Variants in PCDHGB1 observed in about 807,000 individuals in gnomAD.
PCDHGB1 encodes the protein protocadherin gamma subfamily B, 1.
In PCDHGB1, 34 loss-of-function variants were observed where a neutral mutation model predicts 56.6. The observed-to-expected ratio is 0.60, with a 90% confidence interval of 0.46 to 0.80. PCDHGB1 has a LOEUF of 0.80. Ranked by LOEUF, PCDHGB1 falls within the 30% of genes least tolerant of loss-of-function variation. PCDHGB1 has a pLI of 0.00. For synonymous variants in PCDHGB1, 561 were observed against 505.9 expected, an observed-to-expected ratio of 1.11 and a Z score of -1.46; for missense variants, 1,278 against 1,204.6, an observed-to-expected ratio of 1.06 and a Z score of -0.90.
intron 1 of PCDHGB1, chr5:141,372,805 A>C: frequency 6.3e-7 from 1 of 1,592,964 alleles, no homozygotes; most frequent in Non-Finnish European, 8.6e-7. Flanking sequence ...GGCAATTTGC[A>C]AAAGGTGAGT....
At position 141,404,150 on chromosome 5, in the gene PCDHGB1, G is replaced by A. The variant is rs1325217999; in HGVS notation, c.2409+51481G>A. ...TTTTACATTAGAAAATTCAGAAGAA[G>A]ATTATTACAGATTGTTGACGGCCCA... is the stretch of plus-strand genomic sequence containing the variant. On this transcript the variant is annotated intron_variant, in intron 1 of 3. Coordinates refer to ENST00000523390, the MANE Select transcript of PCDHGB1 (RefSeq NM_018922.3). 5.0e-6 allele frequency: 8 copies of A among 1,612,830 alleles called. 1 individual carries two copies. In the Middle Eastern group the frequency reaches 6.6e-4, roughly 133 times the overall value.
chr5:141,422,226 G>A (rs766346054), intron 1 of PCDHGB1: 1 of 1,565,844 alleles, frequency 6.4e-7, no homozygotes, highest in East Asian at 2.2e-5. Flanking sequence ...CCACCACGAC[G>A]ATGTTGATCA....
intron 1 of PCDHGB1, chr5:141,360,536 A>G (rs1213416174): frequency 6.2e-7 from 1 of 1,613,884 alleles, no homozygotes; most frequent in African/African-American, 1.3e-5. Flanking sequence ...CCGCTATTCA[A>G]ACAGACTAAG....
At chr5:141,354,984 A>C (rs977159014) in intron 1 of PCDHGB1, 5 of 597,460 alleles carry the variant, frequency 8.4e-6, no homozygotes, top group Non-Finnish European at 1.3e-5. Context: ...GTCGCTGTTC[A>C]CCAATCAGGG....
At chr5:141,361,284 C>T in intron 1 of PCDHGB1, 1 of 1,614,018 alleles carries the variant, frequency 6.2e-7, no homozygotes, top group Non-Finnish European at 8.5e-7. Flanking sequence ...GAGAAGTTTA[C>T]TGCCAAGTGT....
intron 1 of PCDHGB1, chr5:141,389,731 G>A: frequency 6.2e-7 from 1 of 1,612,688 alleles, no homozygotes; most frequent in Non-Finnish European, 8.5e-7. Flanking sequence ...GGGCTCTTCA[G>A]CCTGGGGCTG....
intron 1 of PCDHGB1, among the ~76,000 whole-genome samples, chr5:141,472,561 T>C (rs1000220187): frequency 2.6e-5 from 4 of 151,632 alleles, no homozygotes; most frequent in African/African-American, 9.7e-5. Flanking sequence ...AATTATATTA[T>C]AAATGCTGCA....
chr5:141,419,569 C>T (rs1200109635), intron 1 of PCDHGB1: 3 of 1,611,654 alleles, frequency 1.9e-6, no homozygotes, highest in East Asian at 2.2e-5. Context: ...TGGGTCCCGA[C>T]GGCTCCGCGC....
chr5:141,498,042 A>G (rs1189035278), intron 2 of PCDHGB1, among the ~76,000 whole-genome samples: 2 of 152,238 alleles, frequency 1.3e-5, no homozygotes, highest in Non-Finnish European at 2.9e-5. Flanking sequence ...AATAATTACA[A>G]AAATAAATGT....
rs371173445 is a variant in PCDHGB1 at position 141,383,743 on chromosome 5, C to A, written c.2409+31074C>A. ...CAATGGGGAAGTGACATATTCTTTT[C>A]GGAAAATAACTCCTAAACTTCCAAA... On this transcript the variant is annotated intron_variant, in intron 1 of 3. Transcript: ENST00000523390. 2.0e-5 allele frequency: 32 copies of A among 1,613,922 alleles called. No individual in the cohort carries two copies. The South Asian group carries it at 3.3e-4, about 17-fold the overall frequency.
At chr5:141,371,602 G>A in intron 1 of PCDHGB1, 1 of 1,613,990 alleles carries the variant, frequency 6.2e-7, no homozygotes, top group East Asian at 2.2e-5. Context: ...AACACATACA[G>A]GTTGGTGACA....
In PCDHGB1 at chr5:141,410,139, T is replaced by C. The variant is rs73279096; in HGVS notation, c.2409+57470T>C. ...GCCCGCCAGCGCCTGCTGGTCGCTG[T>C]GCGTGACGGTGGACAGCCGCCACTC... On this transcript the variant is annotated intron_variant, in intron 1 of 3. Coordinates refer to ENST00000523390, the MANE Select transcript of PCDHGB1 (RefSeq NM_018922.3). The C allele has an allele frequency of 1.6e-4, 252 of 1,612,722 alleles. No individual in the cohort carries two copies. In the African/African-American group the frequency reaches 3.0e-3, roughly 19 times the overall value.
intron 1 of PCDHGB1, among the ~76,000 whole-genome samples, chr5:141,472,245 T>A (rs1217786736): frequency 6.6e-6 from 1 of 152,144 alleles, no homozygotes; most frequent in East Asian, 1.9e-4. Context: ...ACTTTCTATT[T>A]TAAAGTTATA....
In PCDHGB1 at chr5:141,476,948, G is replaced by T; in HGVS notation, c.2410-17859G>T. 6.2e-7 allele frequency: 1 copy of T among 1,614,180 alleles called. No individual in the cohort carries two copies. On this transcript the variant is annotated intron_variant, in intron 1 of 3. Transcript: ENST00000523390. The surrounding 1 kb of genome is among the most constrained non-coding windows in gnomAD (Gnocchi z 7.6). ...GGATCTGGATGAAGGCCCCAACGGTGAAATTATTTACTCCTTCGGCAGCCA... is the reference window on the plus strand; with the variant it reads ...GGATCTGGATGAAGGCCCCAACGGTTAAATTATTTACTCCTTCGGCAGCCA...
At chr5:141,505,202 T>C (rs778935321) in intron 2 of PCDHGB1, among the ~76,000 whole-genome samples, 191 bp from the exon 3 acceptor site, 3 of 152,012 alleles carry the variant, frequency 2.0e-5, no homozygotes, top group Non-Finnish European at 4.4e-5. Flanking sequence ...AAAGAGCTGG[T>C]TTGAGGGACT....
At chr5:141,424,762 A>T (rs1002777641) in intron 1 of PCDHGB1, 8 of 152,124 alleles carry the variant, frequency 5.3e-5, no homozygotes, top group African/African-American at 1.9e-4. Context: ...GGTCATTCTT[A>T]TGGCAAATAG....
Position 141,477,833 on chromosome 5 carries a change from G to C in PCDHGB1, c.2410-16974G>C. Reference sequence around the variant, plus strand: ...CCCCCAGGTCCTATATCCTCGGCCAGGTGGGAGCTCGGTGGAGATGCTGCC... The same window carrying C: ...CCCCCAGGTCCTATATCCTCGGCCACGTGGGAGCTCGGTGGAGATGCTGCC... On this transcript the variant is annotated intron_variant, in intron 1 of 3. Transcript: ENST00000523390. This position sits in a 1 kb window ranked among gnomAD's most constrained non-coding sequence, Gnocchi z 4.9. The C allele has an allele frequency of 6.2e-7, 1 of 1,614,174 alleles. No individual in the cohort carries two copies.
chr5:141,468,180 C>T (rs1053758210), intron 1 of PCDHGB1, among the ~76,000 whole-genome samples: 4 of 151,744 alleles, frequency 2.6e-5, no homozygotes, highest in Non-Finnish European at 5.9e-5. Context: ...GAAAAATTTG[C>T]TGGGCATGGT....
chr5:141,454,088 T>C (rs2154564493), intron 1 of PCDHGB1, among the ~76,000 whole-genome samples: 1 of 152,342 alleles, frequency 6.6e-6, no homozygotes. Context: ...CAGTGAAATT[T>C]GAATTGAACA....
Sources: gnomAD v4.1 joint callset for allele counts (sites outside exome capture counted in the v4.1 genomes callset) on GRCh38, gnomAD v4.1.1 for gene constraint, Gnocchi (gnomAD v3.1) non-coding constraint, MANE v1.5 for transcripts, NCBI Gene and HGNC (gene_info 2026-07-23, HGNC 2026-07-21) for gene names.